Variants in BPHL observed in about 807,000 individuals in gnomAD.
BPHL encodes the protein serine hydrolase BPHL.
Under a neutral mutation model 31.2 loss-of-function variants are expected in BPHL, and 27 were observed. The observed-to-expected ratio is 0.87, with a 90% confidence interval of 0.64 to 1.19. The LOEUF is 1.19. Ranked by LOEUF, BPHL falls within the 50% of genes most tolerant of loss-of-function variation. BPHL has a pLI of 0.00. For missense variants in BPHL, 356 were observed against 375.7 expected (o/e 0.95, Z 0.43); for synonymous variants, 150 against 146.8 (o/e 1.02, Z -0.16).
intron 4 of BPHL, 130 bp from the exon 5 acceptor site, chr6:3,137,232 G>C: frequency 8.2e-7 from 1 of 1,218,140 alleles, no homozygotes; most frequent in Non-Finnish European, 1.1e-6. Flanking sequence ...AGCAGAGGGA[G>C]GGAGGGAGGC....
chr6:3,121,451 C>T (rs1761572674), intron 1 of BPHL, among the ~76,000 whole-genome samples: 1 of 151,958 alleles, frequency 6.6e-6, no homozygotes, highest in African/African-American at 2.4e-5. Flanking sequence ...AGGTGTGCAC[C>T]ACCATGCCGG....
chr6:3,127,852 G>A (rs1049530558), intron 3 of BPHL, among the ~76,000 whole-genome samples: 1 of 146,334 alleles, frequency 6.8e-6, no homozygotes, highest in East Asian at 2.0e-4. Context: ...ACAGAGTGTT[G>A]CTCTGTCACC....
chr6:3,122,201 A>C (rs1761595349), intron 1 of BPHL, among the ~76,000 whole-genome samples: 1 of 152,028 alleles, frequency 6.6e-6, no homozygotes, highest in Non-Finnish European at 1.5e-5. Context: ...AATGGTGTGA[A>C]CCCGGGAGGT....
chr6:3,127,438 GA>G, intron 3 of BPHL, 30 bp downstream of exon 3: 2 of 1,502,050 alleles, frequency 1.3e-6, no homozygotes, highest in South Asian at 1.3e-5. Context: ...GCCAGGGGAG[GA>G]AGGGTGGCTG....
chr6:3,146,331 T>G (rs1762359823), intron 6 of BPHL, among the ~76,000 whole-genome samples: 1 of 106,306 alleles, frequency 9.4e-6, no homozygotes, highest in African/African-American at 3.8e-5. Flanking sequence ...CGGGTCAGAG[T>G]GCTGGTTCGG....
intron 4 of BPHL, 145 bp downstream of exon 4, chr6:3,129,343 A>C: frequency 6.0e-6 from 7 of 1,168,548 alleles, no homozygotes; most frequent in Non-Finnish European, 8.0e-6. Context: ...ACGAGTTCTC[A>C]GAAAAGTAAT....
upstream of BPHL, chr6:3,118,689 C>A (rs960178541): frequency 1.9e-5 from 23 of 1,209,778 alleles, no homozygotes; most frequent in South Asian, 2.7e-4. Context: ...GGCCGGGTAC[C>A]GCGCTTGGTC....
intron 4 of BPHL, among the ~76,000 whole-genome samples, chr6:3,131,208 C>G (rs1419125866): frequency 6.6e-6 from 1 of 152,130 alleles, no homozygotes; most frequent in African/African-American, 2.4e-5. Context: ...ATCCTCCTTT[C>G]CTTCCTTCTT....
intron 4 of BPHL, among the ~76,000 whole-genome samples, chr6:3,131,055 G>A (rs940505812): frequency 6.6e-6 from 1 of 152,032 alleles, no homozygotes; most frequent in Non-Finnish European, 1.5e-5. Context: ...TCTCTCCACT[G>A]GGTCAGTCCT....
rs2231364 is a variant in BPHL at position 3,127,336 on chromosome 6, C to A, written c.306C>A (p.Ser102=). Residue 102 remains serine, a synonymous_variant, in exon 3 of 7, where the codon TCC becomes TCA. Transcript: ENST00000380379. The part of the protein sequence containing the change: ...VAWDPRGYGH[S]RPPDRDFPAD... Reference sequence around the variant, plus strand: ...GGGATCCTCGAGGCTATGGACATTCCAGGCCCCCAGATCGCGATTTCCCAG... The same window carrying A: ...GGGATCCTCGAGGCTATGGACATTCAAGGCCCCCAGATCGCGATTTCCCAG... The A allele has an allele frequency of 5.0e-4, 810 of 1,609,428 alleles. 2 individuals are homozygous for A. The African/African-American group carries it at 9.7e-3, about 19-fold the overall frequency.
At chr6:3,144,193 G>T (rs1025932492) in intron 6 of BPHL, among the ~76,000 whole-genome samples, 2 of 151,072 alleles carry the variant, frequency 1.3e-5, no homozygotes, top group Non-Finnish European at 1.5e-5. Flanking sequence ...TCAGCCTCCC[G>T]AGTAGCTGGG....
Position 3,123,638 on chromosome 6 carries a change from T to C in BPHL, c.108-19T>C. 1.2e-6 allele frequency: 2 copies of C among 1,604,076 alleles called. No individual in the cohort carries two copies. Among genetic ancestry groups the C allele is most frequent in the Non-Finnish European group, 1.7e-6 (2 of 1,172,494 alleles). On this transcript the variant is annotated intron_variant, in intron 1 of 6. Coordinates refer to ENST00000380379, the MANE Select transcript of BPHL (RefSeq NM_004332.4). ...CATCTCCCCTTTCCCCCTGTGGGGA[T>C]GTGTTTTTTCTCTTCTAGCACCTCG...
chr6:3,127,478 T>A, intron 3 of BPHL, 70 bp downstream of exon 3: 1 of 1,311,558 alleles, frequency 7.6e-7, no homozygotes, highest in Non-Finnish European at 1.0e-6. Context: ...TTGTTTAAAT[T>A]TTGTTGTTAT....
At chr6:3,122,478 C>G (rs1286386003) in intron 1 of BPHL, among the ~76,000 whole-genome samples, 3 of 152,124 alleles carry the variant, frequency 2.0e-5, no homozygotes, top group Non-Finnish European at 4.4e-5. Flanking sequence ...CAGGGGCCGT[C>G]TGTGTGCCCC....
At chr6:3,118,942 G>T (rs1235475208) in intron 1 of BPHL, 95 bp downstream of exon 1, 3 of 1,049,030 alleles carry the variant, frequency 2.9e-6, no homozygotes, top group East Asian at 6.7e-5. Flanking sequence ...TTCCCGGCGC[G>T]CGGGCACGGG....
intron 4 of BPHL, among the ~76,000 whole-genome samples, chr6:3,136,621 T>C (rs1241503912): frequency 6.6e-6 from 1 of 152,270 alleles, no homozygotes; most frequent in African/African-American, 2.4e-5. Flanking sequence ...TGTGAGTTCA[T>C]GCCATTAGTG....
At chr6:3,122,312 G>A (rs1761599382) in intron 1 of BPHL, among the ~76,000 whole-genome samples, 1 of 152,134 alleles carries the variant, frequency 6.6e-6, no homozygotes, top group Non-Finnish European at 1.5e-5. Flanking sequence ...AAAATAAAAG[G>A]AGATGGTGGT....
At chr6:3,141,465 T>C (rs1481188763) in intron 6 of BPHL, among the ~76,000 whole-genome samples, 6 of 152,168 alleles carry the variant, frequency 3.9e-5, no homozygotes, top group Non-Finnish European at 8.8e-5. Context: ...CCTCCCAGGT[T>C]CAAGCGATTC....
At chr6:3,119,010 G>A (rs2113738885) in intron 1 of BPHL, among the ~76,000 whole-genome samples, 163 bp downstream of exon 1, 1 of 152,080 alleles carries the variant, frequency 6.6e-6, no homozygotes, top group East Asian at 1.9e-4. Flanking sequence ...CCGATCCTGG[G>A]GGCCAGCCGC....
Sources: gnomAD v4.1 joint callset for allele counts (sites outside exome capture counted in the v4.1 genomes callset) on GRCh38, gnomAD v4.1.1 for gene constraint, MANE v1.5 for transcripts, NCBI Gene and HGNC (gene_info 2026-07-23, HGNC 2026-07-21) for gene names.